The following ZNF723 variants were observed in gnomAD, a reference collection of about 807,000 sequenced individuals.
The protein encoded by ZNF723 is zinc finger protein 723, pseudogene.
A neutral mutation model predicts 9.4 loss-of-function variants in ZNF723; 5 were observed. The ratio of observed to expected loss-of-function variants is 0.53; its 90% CI spans 0.28 to 1.12. The LOEUF (loss-of-function observed/expected upper bound fraction) is 1.12. ZNF723 is among the 50% of genes most tolerant of loss of function. The pLI is 0.10. For synonymous variants in ZNF723, 158 were observed against 168.8 expected (o/e 0.94, Z 0.49); for missense variants, 450 against 501.5 (o/e 0.90, Z 0.98).
the ZNF723 span, among the ~76,000 whole-genome samples, chr19:22,820,556 A>T: frequency 1.3e-5 from 2 of 152,174 alleles, no homozygotes; most frequent in African/African-American, 4.8e-5. Flanking sequence ...GTCTTTGTTC[A>T]GATCATAGAT....
chr19:22,854,510 A>G (rs565577510), intron 3 of ZNF723, among the ~76,000 whole-genome samples: 10 of 146,926 alleles, frequency 6.8e-5, no homozygotes, highest in African/African-American at 2.6e-4. Context: ...TATTTAAATA[A>G]TTTTCTGAAA....
At chr19:22,816,218 CT>C in the ZNF723 span, among the ~76,000 whole-genome samples, 1 of 152,298 alleles carries the variant, frequency 6.6e-6, no homozygotes, top group Non-Finnish European at 1.5e-5. Context: ...GATTGTGACA[CT>C]CATATATACA....
At chr19:22,833,605 TATTA>T (rs1422485276) in intron 1 of ZNF723, among the ~76,000 whole-genome samples, 1 of 151,914 alleles carries the variant, frequency 6.6e-6, no homozygotes, top group African/African-American at 2.4e-5. Context: ...TAATAAAGAT[TATTA>T]ATTTTTTTTT....
intron 1 of ZNF723, among the ~76,000 whole-genome samples, chr19:22,832,968 AATT>A (rs2145203563): frequency 6.6e-6 from 1 of 152,196 alleles, no homozygotes; most frequent in East Asian, 1.9e-4. Context: ...TGAGCCTACA[AATT>A]TCCTGATTAT....
At chr19:22,840,969 T>A (rs1967237031) in intron 1 of ZNF723, 1 of 152,328 alleles carries the variant, frequency 6.6e-6, no homozygotes, top group African/African-American at 2.4e-5. Flanking sequence ...CAATTGGGGT[T>A]CATGTAAGAT....
At chr19:22,832,527 T>G in intron 1 of ZNF723, 145 bp downstream of exon 1, 4 of 961,788 alleles carry the variant, frequency 4.2e-6, no homozygotes, top group Non-Finnish European at 6.2e-6. Flanking sequence ...CTCAGACACC[T>G]TCAGCGATAA....
intron 1 of ZNF723, among the ~76,000 whole-genome samples, chr19:22,845,962 T>C (rs138571632): frequency 1.1e-3 from 158 of 149,248 alleles, no homozygotes; most frequent in Middle Eastern, 7.1e-3. Context: ...TGGATTTCCA[T>C]GCATTTAGTA....
intron 3 of ZNF723, among the ~76,000 whole-genome samples, chr19:22,851,724 T>C (rs1013963308): frequency 1.3e-5 from 2 of 151,652 alleles, no homozygotes; most frequent in Non-Finnish European, 2.9e-5. Context: ...CACTTTTCAT[T>C]TGGGAAAGTC....
At chr19:22,842,923 C>G (rs977082531) in intron 1 of ZNF723, among the ~76,000 whole-genome samples, 3 of 152,192 alleles carry the variant, frequency 2.0e-5, no homozygotes, top group African/African-American at 7.2e-5. Context: ...GAATGTGATT[C>G]TTTCAGCTTC....
chr19:22,848,311 G>A lies in ZNF723; in HGVS notation c.54G>A (p.Trp18Ter), dbSNP rs1210258463. The A allele has an allele frequency of 8.8e-6, 12 of 1,364,508 alleles. No homozygotes were observed. Among genetic ancestry groups the A allele is most frequent in the Non-Finnish European group, 1.0e-5 (10 of 972,064 alleles). The allele number at this position is 1,364,508 out of a possible 1,614,324, so 84.5% of individuals were successfully genotyped here. ...DVAIKFSLEE[W>*]QFLDTAQQNL... ...CAATAAAATTTTCTCTGGAGGAGTG[G>A]CAATTCCTGGACACTGCACAGCAGA... The change falls in exon 2 of 4, where the codon TGG becomes TGA. Residue 18 changes from tryptophan (W) to a stop codon, truncating the protein, a stop_gained. Coordinates refer to ENST00000600766, the MANE Select transcript of ZNF723 (RefSeq NM_001349726.2). LOFTEE classifies it high-confidence loss of function.
the ZNF723 span, among the ~76,000 whole-genome samples, chr19:22,824,624 G>A: frequency 1.3e-5 from 2 of 152,190 alleles, no homozygotes; most frequent in Non-Finnish European, 2.9e-5. Flanking sequence ...TTCAGCTGGT[G>A]CAGAGAGTGT....
At position 22,832,311 on chromosome 19, in the gene ZNF723, G is replaced by A; in HGVS notation, c.-69G>A. The A allele has an allele frequency of 7.6e-7, 1 of 1,320,316 alleles. No homozygotes were observed. Among genetic ancestry groups the A allele is most frequent in the Non-Finnish European group, 1.1e-6 (1 of 940,506 alleles). The allele number at this position is 1,320,316 out of a possible 1,614,324, so 81.8% of individuals were successfully genotyped here. A position where few individuals can be genotyped will look rare whatever the true frequency, so the allele number is the denominator to read the frequency against. On this transcript the variant is annotated 5_prime_UTR_variant, in exon 1 of 4. The change creates a new upstream start codon in the 5' untranslated region. Transcript: ENST00000600766. ...GCGGCCTTTTGAGTTCCTGGTCTCT[G>A]TGGCCTCCTGACCTACATGCATTGG...
upstream of ZNF723, among the ~76,000 whole-genome samples, chr19:22,831,925 A>G (rs1220348450): frequency 1.3e-5 from 2 of 152,016 alleles, no homozygotes; most frequent in Non-Finnish European, 2.9e-5. Context: ...AAAAATAATA[A>G]ATAAATAAAA....
chr19:22,847,103 C>T (rs975858087), intron 1 of ZNF723, among the ~76,000 whole-genome samples: 5 of 150,582 alleles, frequency 3.3e-5, no homozygotes, highest in African/African-American at 9.8e-5. Context: ...TGAGACAGGG[C>T]CTCACTCTGT....
chr19:22,851,663 G>A (rs1967397187), intron 3 of ZNF723, among the ~76,000 whole-genome samples: 1 of 152,140 alleles, frequency 6.6e-6, no homozygotes, highest in South Asian at 2.1e-4. Context: ...ACTGTGCCTG[G>A]CCACCATGTA....
chr19:22,846,035 A>G (rs1489450030), intron 1 of ZNF723, among the ~76,000 whole-genome samples: 2 of 152,150 alleles, frequency 1.3e-5, no homozygotes, highest in East Asian at 1.9e-4. Flanking sequence ...ACTACTTTTG[A>G]AAATTTTATT....
chr19:22,831,631 C>T (rs1006498375), upstream of ZNF723, among the ~76,000 whole-genome samples: 2 of 151,780 alleles, frequency 1.3e-5, no homozygotes, highest in Non-Finnish European at 2.9e-5. Flanking sequence ...AAAATCTTGG[C>T]CGGGCGCGAT....
At chr19:22,821,536 C>T in the ZNF723 span, among the ~76,000 whole-genome samples, 1 of 152,098 alleles carries the variant, frequency 6.6e-6, no homozygotes, top group African/African-American at 2.4e-5. Context: ...ACTCCTGGGC[C>T]CAGTACCCAG....
the ZNF723 span, among the ~76,000 whole-genome samples, chr19:22,817,145 G>T: frequency 1.3e-5 from 2 of 152,210 alleles, no homozygotes; most frequent in African/African-American, 4.8e-5. Flanking sequence ...TCTTACAAAG[G>T]CCCTGCCTAG....
Sources: allele counts gnomAD v4.1 joint callset (sites outside exome capture counted in the v4.1 genomes callset), GRCh38; gene constraint gnomAD v4.1.1; transcripts MANE v1.5; gene names NCBI Gene and HGNC (gene_info 2026-07-23, HGNC 2026-07-21).